Variants in TCERG1L observed in about 807,000 individuals in gnomAD.
The protein encoded by TCERG1L is transcription elongation regulator 1-like protein.
TCERG1L carries 37 observed loss-of-function variants against 56.3 expected under a neutral mutation model. The observed-to-expected ratio is 0.66, with a 90% CI of 0.51 to 0.87. TCERG1L has a LOEUF of 0.87. Ranked by LOEUF, TCERG1L falls within the 40% of genes least tolerant of loss-of-function variation. TCERG1L has a pLI of 0.00. For synonymous variants in TCERG1L, 324 were observed against 326.3 expected (o/e 0.99, Z 0.08); for missense variants, 799 against 774.2 (o/e 1.03, Z -0.38).
intron 8 of TCERG1L, among the ~76,000 whole-genome samples, chr10:131,126,605 G>A (rs758794659): frequency 6.6e-6 from 1 of 152,082 alleles, no homozygotes; most frequent in Non-Finnish European, 1.5e-5. Context: ...GCTGGGGACC[G>A]TGTTCATCCA....
At position 131,227,677 on chromosome 10, in the gene TCERG1L, G is replaced by A. The variant is rs530233890; in HGVS notation, c.856+32582C>T. On this transcript the variant is annotated intron_variant, in intron 4 of 11. Coordinates refer to ENST00000368642, the MANE Select transcript of TCERG1L (RefSeq NM_174937.4). The stretch of plus-strand genomic sequence containing the variant: ...GTGAGCCGAGGGTTTTCCATCAGGC[G>A]AGCCAGCTGCCCCACTGAAAAGATG... Among the ~76,000 whole-genome samples the A allele has an allele frequency of 7.2e-5, 11 of 152,258 alleles. No homozygotes were observed. In the South Asian group the frequency reaches 8.3e-4, roughly 11 times the overall value.
At chr10:131,295,450 G>A (rs1045354947) in intron 3 of TCERG1L, among the ~76,000 whole-genome samples, 7 of 152,178 alleles carry the variant, frequency 4.6e-5, no homozygotes, top group Non-Finnish European at 7.3e-5. Flanking sequence ...TCACCACCAC[G>A]TGGTATTGCC....
intron 3 of TCERG1L, among the ~76,000 whole-genome samples, chr10:131,291,345 T>C (rs1846619393): frequency 7.0e-6 from 1 of 142,672 alleles, no homozygotes. Flanking sequence ...ATAGCCAAGA[T>C]ATATATAGAT....
intron 4 of TCERG1L, among the ~76,000 whole-genome samples, chr10:131,176,816 GCA>G (rs1332010599): frequency 2.4e-3 from 2 of 820 alleles, no homozygotes; most frequent in East Asian, 0.033. Flanking sequence ...AGAGACACAT[GCA>G]CACACAGACA....
chr10:131,178,702 C>T (rs954354957), intron 4 of TCERG1L, among the ~76,000 whole-genome samples: 3 of 152,122 alleles, frequency 2.0e-5, no homozygotes, highest in South Asian at 2.1e-4. Context: ...TCAGGGCCAT[C>T]GCTCGCCCTG....
At chr10:131,237,535 G>A (rs1465402114) in intron 4 of TCERG1L, among the ~76,000 whole-genome samples, 2 of 152,210 alleles carry the variant, frequency 1.3e-5, no homozygotes, top group African/African-American at 2.4e-5. Flanking sequence ...TGCACTGCTA[G>A]TTTAATAATT....
rs767115416 is a variant in TCERG1L at position 131,309,190 on chromosome 10, C to G, written c.452G>C (p.Gly151Ala). The G allele has an allele frequency of 1.2e-6, 2 of 1,609,948 alleles. No individual in the cohort carries two copies. Among genetic ancestry groups the G allele is most frequent in the East Asian group, 2.3e-5 (1 of 44,406 alleles). The change falls in exon 2 of 12, where the codon GGG (glycine) becomes GCG (alanine). Residue 151 changes from glycine (G) to alanine (A), a missense_variant. Physicochemically the swap from Gly to Ala is moderately conservative, Grantham distance 60. Coordinates refer to ENST00000368642, the MANE Select transcript of TCERG1L (RefSeq NM_174937.4). Reference sequence around the variant, plus strand: ...AATCCTTTTGTCTATCCAACTTTTCCCAATAGGGGTTGCAAGAGCAGAAGG... The same window carrying G: ...AATCCTTTTGTCTATCCAACTTTTCGCAATAGGGGTTGCAAGAGCAGAAGG... ...LCPSALATPI[G>A]KSWIDKRIPN...
chr10:131,204,594 G>A (rs548447584), intron 4 of TCERG1L, among the ~76,000 whole-genome samples: 1 of 152,346 alleles, frequency 6.6e-6, no homozygotes, highest in African/African-American at 2.4e-5. Context: ...GGGCTCCAGT[G>A]GGGCACGGAG....
intron 4 of TCERG1L, among the ~76,000 whole-genome samples, chr10:131,200,714 T>C (rs534216671): frequency 6.6e-6 from 1 of 152,360 alleles, no homozygotes; most frequent in South Asian, 2.1e-4. Context: ...TTGGAATTAC[T>C]GAAATGGAAT....
In TCERG1L at chr10:131,093,214, A is replaced by G. The variant is rs1297134953; in HGVS notation, c.1709T>C (p.Ile570Thr). ...QEHFFNQFILILKKRDKENRL... is the reference protein window; with the variant it reads ...QEHFFNQFILTLKKRDKENRL... ...GTTTTCCTTGTCCCGTTTCTTAAGA[A>G]TAAGTATGAATTGGTTGAAAAAATG... Residue 570 changes from isoleucine to threonine, a missense_variant, in exon 12 of 12, where the codon ATT (isoleucine) becomes ACT (threonine). Coordinates refer to ENST00000368642, the MANE Select transcript of TCERG1L (RefSeq NM_174937.4). 8 of 1,613,952 alleles carry G rather than the reference A, an allele frequency of 5.0e-6. No homozygotes were observed. The highest frequency in any genetic ancestry group is 5.9e-6 in the Non-Finnish European group (7 of 1,179,846).
intron 4 of TCERG1L, among the ~76,000 whole-genome samples, chr10:131,252,654 C>T (rs993580426): frequency 1.3e-5 from 2 of 152,156 alleles, no homozygotes; most frequent in African/African-American, 2.4e-5. Flanking sequence ...CCTCCTCTAC[C>T]GAGTCCTGAA....
At chr10:131,309,435 C>T (rs543471557) in intron 1 of TCERG1L, 136 bp from the exon 2 acceptor site, 2 of 1,186,842 alleles carry the variant, frequency 1.7e-6, no homozygotes, top group Admixed American at 6.8e-5. Context: ...TAAATTTCCT[C>T]GAGAAAAACT....
At chr10:131,246,103 T>G (rs1846033609) in intron 4 of TCERG1L, among the ~76,000 whole-genome samples, 1 of 152,136 alleles carries the variant, frequency 6.6e-6, no homozygotes, top group African/African-American at 2.4e-5. Context: ...GGGCACCTCC[T>G]GGCTACAGGG....
chr10:131,292,577 G>A (rs1024553746), intron 3 of TCERG1L, among the ~76,000 whole-genome samples: 4 of 152,130 alleles, frequency 2.6e-5, no homozygotes, highest in Admixed American at 1.3e-4. Context: ...CGTATTCCAT[G>A]TTTGGAAACA....
chr10:131,147,980 T>C (rs1277444792), intron 6 of TCERG1L, among the ~76,000 whole-genome samples: 1 of 152,236 alleles, frequency 6.6e-6, no homozygotes. Flanking sequence ...GCCCTGCATG[T>C]TGGCAACCCT....
intron 7 of TCERG1L, among the ~76,000 whole-genome samples, chr10:131,143,399 T>C (rs1315217344): frequency 6.6e-6 from 1 of 152,034 alleles, no homozygotes; most frequent in African/African-American, 2.4e-5. Flanking sequence ...GGCCAGGGTA[T>C]GTATTCCCTC....
chr10:131,218,661 G>A (rs148382352), intron 4 of TCERG1L, among the ~76,000 whole-genome samples: 166 of 152,258 alleles, frequency 1.1e-3, no homozygotes, highest in Middle Eastern at 6.8e-3. Context: ...GCCCATAGGC[G>A]AGTGACTGGA....
intron 3 of TCERG1L, among the ~76,000 whole-genome samples, chr10:131,264,131 C>G (rs1052861580): frequency 1.3e-5 from 2 of 149,648 alleles, no homozygotes; most frequent in Non-Finnish European, 3.0e-5. Context: ...CTTTCCTGTG[C>G]CCAAGTCCTG....
chr10:131,248,804 C>T (rs1361150917), intron 4 of TCERG1L, among the ~76,000 whole-genome samples: 1 of 152,190 alleles, frequency 6.6e-6, no homozygotes, highest in Non-Finnish European at 1.5e-5. Flanking sequence ...GGGTGTCATG[C>T]CCGGCAGAGG....
Sources: allele counts gnomAD v4.1 joint callset (sites outside exome capture counted in the v4.1 genomes callset), GRCh38; gene constraint gnomAD v4.1.1; transcripts MANE v1.5; gene names NCBI Gene and HGNC (gene_info 2026-07-23, HGNC 2026-07-21).